Variants in AOX1 observed in about 807,000 individuals in gnomAD.
AOX1 encodes aldehyde oxidase.
A neutral mutation model predicts 169.5 loss-of-function variants in AOX1; 153 were observed. That is an observed-to-expected ratio of 0.90 (90% CI 0.79 to 1.03). The LOEUF is 1.03. Ranked by LOEUF, AOX1 falls within the 50% of genes least tolerant of loss-of-function variation. The pLI is 0.00. For synonymous variants in AOX1, 562 were observed against 581.9 expected (o/e 0.97, Z 0.49); for missense variants, 1,656 against 1,663.9 (o/e 1.00, Z 0.08).
At chr2:200,615,399 G>A (rs116405355) in intron 15 of AOX1, among the ~76,000 whole-genome samples, 2,197 of 152,288 alleles carry the variant, frequency 0.014, 63 homozygotes, top group African/African-American at 0.05. Context: ...TCTAGGCTGT[G>A]CAATGTTCAG....
At chr2:200,615,082 T>G (rs1312745376) in intron 15 of AOX1, among the ~76,000 whole-genome samples, 1 of 152,090 alleles carries the variant, frequency 6.6e-6, no homozygotes, top group African/African-American at 2.4e-5. Context: ...CATAGCTCAG[T>G]GCAGCCTCAA....
chr2:200,633,173 T>G (rs960364814), intron 20 of AOX1, among the ~76,000 whole-genome samples: 1 of 152,198 alleles, frequency 6.6e-6, no homozygotes, highest in Non-Finnish European at 1.5e-5. Flanking sequence ...TGTCCTTAGT[T>G]TTCTGAAGTT....
chr2:200,641,436 G>C (rs1439717610), intron 24 of AOX1, among the ~76,000 whole-genome samples: 1 of 152,088 alleles, frequency 6.6e-6, no homozygotes, highest in African/African-American at 2.4e-5. Flanking sequence ...ATGAGACCAA[G>C]CTTTCTCAGT....
Position 200,595,334 on chromosome 2 carries a change from A to T in AOX1, c.166A>T (p.Ile56Leu), listed in dbSNP as rs970267750. 8.1e-6 allele frequency: 13 copies of T among 1,612,928 alleles called. No homozygotes were observed. The highest frequency in any genetic ancestry group is 4.0e-5 in the African/African-American group (3 of 74,876). The change falls in exon 3 of 35, where the codon ATA becomes TTA. Residue 56 changes from isoleucine (I) to leucine (L), a missense_variant. Ile to Leu is a conservative substitution (Grantham distance 5). Transcript: ENST00000374700. Reference sequence around the variant, plus strand: ...AGGCTGTGGTGCTTGTACAGTGATGATATCACGATACAACCCCATCACCAA... The same window carrying T: ...AGGCTGTGGTGCTTGTACAGTGATGTTATCACGATACAACCCCATCACCAA... ...GGGCGACTVM[I>L]SRYNPITKRI...
At chr2:200,661,401 C>G (rs1016494229) in intron 29 of AOX1, among the ~76,000 whole-genome samples, 178 bp from the exon 30 acceptor site, 1 of 152,286 alleles carries the variant, frequency 6.6e-6, no homozygotes, top group Non-Finnish European at 1.5e-5. Context: ...GCTGAACAAA[C>G]AGCTACAAGC....
At chr2:200,614,042 C>A in intron 15 of AOX1, 76 bp downstream of exon 15, 1 of 1,336,052 alleles carries the variant, frequency 7.5e-7, no homozygotes, top group Non-Finnish European at 1.0e-6. Flanking sequence ...CAATGACTCC[C>A]TACCAAATAG....
At chr2:200,627,197 C>A (rs1431439986) in intron 19 of AOX1, among the ~76,000 whole-genome samples, 156 bp from the exon 20 acceptor site, 1 of 152,200 alleles carries the variant, frequency 6.6e-6, no homozygotes, top group East Asian at 1.9e-4. Flanking sequence ...CAGTTGGATT[C>A]TTAGCTTGGC....
intron 1 of AOX1, among the ~76,000 whole-genome samples, chr2:200,587,744 C>A (rs1267154017): frequency 6.6e-6 from 1 of 152,082 alleles, no homozygotes; most frequent in East Asian, 1.9e-4. Context: ...TCTTCTTTTG[C>A]ATAATAGAAT....
At position 200,597,452 on chromosome 2, in the gene AOX1, G is replaced by T. The variant is rs200659056; in HGVS notation, c.256G>T (p.Val86Phe). 2 of 1,612,554 alleles carry T rather than the reference G, an allele frequency of 1.2e-6. No homozygotes were observed. Among genetic ancestry groups the T allele is most frequent in the Non-Finnish European group, 8.5e-7 (1 of 1,179,336 alleles). The change falls in exon 4 of 35, where the codon GTC becomes TTC. Residue 86 changes from valine (V) to phenylalanine (F), a missense_variant. Coordinates refer to ENST00000374700, the MANE Select transcript of AOX1 (RefSeq NM_001159.4). ...IPICSLYGAAVTTVEGIGSTH... is the reference protein window; with the variant it reads ...IPICSLYGAAFTTVEGIGSTH... ...CATCTGTTCTCTGTATGGTGCTGCC[G>T]TCACCACAGTAGAAGGCATAGGAAG...
In AOX1 at chr2:200,659,063, G is replaced by A. The variant is rs2035752419; in HGVS notation, c.3172-102G>A. 2.6e-6 allele frequency: 3 copies of A among 1,134,274 alleles called. No homozygotes were observed. In the Admixed American group the frequency reaches 7.6e-5, roughly 29 times the overall value. 70.3% of individuals were successfully genotyped at this position (1,134,274 alleles called of 1,614,324 possible). A position where few individuals can be genotyped will look rare whatever the true frequency, so the allele number is the denominator to read the frequency against. On this transcript the variant is annotated intron_variant, in intron 27 of 34. Transcript: ENST00000374700. ...TTTGTGGTTCTGCTCCCTTGTCCCT[G>A]TCATGGGTATGAGGGTATCACACAT... is the stretch of plus-strand genomic sequence containing the variant.
intron 18 of AOX1, among the ~76,000 whole-genome samples, chr2:200,621,567 G>A (rs1346263919): frequency 1.3e-5 from 2 of 151,980 alleles, no homozygotes; most frequent in Admixed American, 1.3e-4. Context: ...TCCCTGAGAA[G>A]CCCTTATTAT....
chr2:200,668,376 T>G (rs901607044), intron 32 of AOX1, among the ~76,000 whole-genome samples: 1 of 152,198 alleles, frequency 6.6e-6, no homozygotes, highest in Non-Finnish European at 1.5e-5. Context: ...CCCAAAGTGC[T>G]GGGATTACAG....
chr2:200,603,906 T>A, intron 7 of AOX1, 111 bp from the exon 8 acceptor site: 1 of 739,822 alleles, frequency 1.4e-6, no homozygotes, highest in Non-Finnish European at 2.3e-6. Flanking sequence ...GCCAGTGGAC[T>A]TTTTTGTCGG....
chr2:200,650,551 C>T (rs538821116), intron 25 of AOX1, among the ~76,000 whole-genome samples: 38 of 152,290 alleles, frequency 2.5e-4, no homozygotes, highest in East Asian at 1.9e-4. Context: ...TATATTTAAA[C>T]GAACTTTCAT....
At chr2:200,592,922 G>A (rs1035486321) in intron 1 of AOX1, among the ~76,000 whole-genome samples, 2 of 152,168 alleles carry the variant, frequency 1.3e-5, no homozygotes, top group Non-Finnish European at 2.9e-5. Flanking sequence ...TTAGAGAACA[G>A]CGATAATTCA....
intron 15 of AOX1, among the ~76,000 whole-genome samples, chr2:200,615,299 A>G (rs2034728841): frequency 6.6e-6 from 1 of 152,220 alleles, no homozygotes; most frequent in Non-Finnish European, 1.5e-5. Context: ...GAGCCATGAC[A>G]CCTAGCTGGT....
chr2:200,659,016 A>G lies in AOX1; in HGVS notation c.3172-149A>G, dbSNP rs2035751545. 9 of 648,272 alleles carry G rather than the reference A, an allele frequency of 1.4e-5. No homozygotes were observed. In the Admixed American group the frequency reaches 2.6e-4, roughly 19 times the overall value. 40.2% of individuals were successfully genotyped at this position (648,272 alleles called of 1,614,324 possible). On this transcript the variant is annotated intron_variant, in intron 27 of 34. Transcript: ENST00000374700. The stretch of plus-strand genomic sequence containing the variant: ...TAGCTATAGGATTTTTAGAAACAAG[A>G]AACTTTTCATGGCTGGAGGAATTTG...
At chr2:200,606,892 TG>T (rs1193869587) in intron 10 of AOX1, among the ~76,000 whole-genome samples, 1 of 152,178 alleles carries the variant, frequency 6.6e-6, no homozygotes, top group Admixed American at 6.5e-5. Flanking sequence ...GCTGAGACGA[TG>T]GGGTTTTCTA....
Position 200,668,815 on chromosome 2 carries a change from T to C in AOX1, c.3798+12T>C. 1 of 1,611,074 alleles carries C rather than the reference T, an allele frequency of 6.2e-7. No homozygotes were observed. The highest frequency in any genetic ancestry group is 8.5e-7 in the Non-Finnish European group (1 of 1,177,516). ...TTTATTCATCTAAGGTAAGTAATGT[T>C]CTATGGGTAAATATGCATGTTTATA... On this transcript the variant is annotated intron_variant, in intron 33 of 34. Coordinates refer to ENST00000374700, the MANE Select transcript of AOX1 (RefSeq NM_001159.4).
Sources: allele counts gnomAD v4.1 joint callset (sites outside exome capture counted in the v4.1 genomes callset), GRCh38; gene constraint gnomAD v4.1.1; transcripts MANE v1.5; gene names NCBI Gene and HGNC (gene_info 2026-07-23, HGNC 2026-07-21).